Variants in FRMD5 observed in about 807,000 individuals in gnomAD.
FRMD5 encodes FERM domain-containing protein 5.
FRMD5 carries 20 observed loss-of-function variants against 69.0 expected under a neutral mutation model. The ratio of observed to expected loss-of-function variants is 0.29; its 90% confidence interval spans 0.20 to 0.42. FRMD5 has a LOEUF of 0.42. Ranked by LOEUF, FRMD5 falls within the 10% of genes least tolerant of loss-of-function variation. FRMD5 has a pLI of 1.00. For missense variants in FRMD5, 595 were observed against 708.6 expected, an observed-to-expected ratio of 0.84 and a Z score of 1.82; for synonymous variants, 271 against 260.1, an observed-to-expected ratio of 1.04 and a Z score of -0.40.
At chr15:44,090,733 C>T (rs996427115) in intron 1 of FRMD5, among the ~76,000 whole-genome samples, 6 of 152,166 alleles carry the variant, frequency 3.9e-5, no homozygotes, top group Non-Finnish European at 8.8e-5. Flanking sequence ...AGCCACTGTG[C>T]CTGGGCGAAT....
intron 1 of FRMD5, among the ~76,000 whole-genome samples, chr15:44,101,144 A>C (rs2733225): frequency 5.4e-5 from 8 of 149,398 alleles, no homozygotes; most frequent in African/African-American, 2.0e-4. Context: ...GTGATACTCC[A>C]TCTCAAAAAA....
intron 1 of FRMD5, among the ~76,000 whole-genome samples, chr15:43,950,001 TG>T (rs1374414298): frequency 1.3e-5 from 2 of 152,210 alleles, no homozygotes; most frequent in Non-Finnish European, 2.9e-5. Flanking sequence ...GAACTTGCAT[TG>T]GTCATCACAA....
upstream of FRMD5, among the ~76,000 whole-genome samples, chr15:44,196,356 C>T (rs2078296594): frequency 6.6e-6 from 1 of 151,796 alleles, no homozygotes; most frequent in East Asian, 1.9e-4. Context: ...CCCAGCTACT[C>T]GGGAGGCTGA....
chr15:43,889,249 G>C (rs772341210), intron 8 of FRMD5, among the ~76,000 whole-genome samples: 31 of 152,338 alleles, frequency 2.0e-4, no homozygotes, highest in Non-Finnish European at 4.6e-4. Flanking sequence ...AGATGCCACA[G>C]GTAGCTGATG....
chr15:43,931,261 T>A (rs1175327890), intron 1 of FRMD5, among the ~76,000 whole-genome samples: 2 of 152,202 alleles, frequency 1.3e-5, no homozygotes, highest in African/African-American at 2.4e-5. Flanking sequence ...GTGCTGAATA[T>A]CTCAGTGGAC....
intron 1 of FRMD5, among the ~76,000 whole-genome samples, chr15:44,190,749 T>C (rs1207844723): frequency 6.6e-6 from 1 of 152,216 alleles, no homozygotes. Context: ...TTTATTGTTT[T>C]CAGGAATAAG....
chr15:44,168,046 A>C (rs1179630817), intron 1 of FRMD5, among the ~76,000 whole-genome samples: 3 of 152,252 alleles, frequency 2.0e-5, no homozygotes, highest in Admixed American at 6.5e-5. Context: ...AAGTGAGTAG[A>C]AACTCCATTA....
At chr15:43,876,999 C>G (rs1225333198) in intron 13 of FRMD5, among the ~76,000 whole-genome samples, 1 of 152,198 alleles carries the variant, frequency 6.6e-6, no homozygotes, top group Non-Finnish European at 1.5e-5. Flanking sequence ...AAAACAGGAG[C>G]TGGTTACACT....
At chr15:43,911,180 G>A (rs544781580) in intron 4 of FRMD5, among the ~76,000 whole-genome samples, 85 of 152,314 alleles carry the variant, frequency 5.6e-4, no homozygotes, top group African/African-American at 1.9e-3. Context: ...AGCATCTCTG[G>A]TGATTTAAAA....
At chr15:43,939,622 A>G (rs1470407572) in intron 1 of FRMD5, among the ~76,000 whole-genome samples, 8 of 151,992 alleles carry the variant, frequency 5.3e-5, no homozygotes, top group Non-Finnish European at 8.8e-5. Flanking sequence ...TCGTGGCACA[A>G]TCATGGCTCC....
chr15:44,123,887 G>A (rs1265483524), intron 1 of FRMD5, among the ~76,000 whole-genome samples: 1 of 152,026 alleles, frequency 6.6e-6, no homozygotes, highest in Non-Finnish European at 1.5e-5. Context: ...GAGGCTGACT[G>A]GGCTATATTT....
chr15:44,067,902 T>C (rs1450802364), intron 1 of FRMD5, among the ~76,000 whole-genome samples: 1 of 152,048 alleles, frequency 6.6e-6, no homozygotes, highest in Non-Finnish European at 1.5e-5. Context: ...AACCAAATAA[T>C]GCAATTTAAA....
At chr15:44,033,944 TCTTA>T (rs1044627902) in intron 1 of FRMD5, among the ~76,000 whole-genome samples, 56 of 152,214 alleles carry the variant, frequency 3.7e-4, no homozygotes, top group African/African-American at 1.4e-3. Context: ...TAGGATTCGC[TCTTA>T]TTTATTTGAT....
At chr15:44,047,258 G>A (rs1892468296) in intron 1 of FRMD5, among the ~76,000 whole-genome samples, 1 of 152,112 alleles carries the variant, frequency 6.6e-6, no homozygotes, top group Non-Finnish European at 1.5e-5. Context: ...GCAGTGAGCT[G>A]AGATCGTGCC....
chr15:44,088,615 G>C (rs1894302734), intron 1 of FRMD5, among the ~76,000 whole-genome samples: 1 of 152,090 alleles, frequency 6.6e-6, no homozygotes, highest in South Asian at 2.1e-4. Context: ...TGGGTGTACA[G>C]AGAGGTACTC....
intron 1 of FRMD5, among the ~76,000 whole-genome samples, chr15:44,169,817 T>A (rs557705031): frequency 1.3e-5 from 2 of 152,306 alleles, no homozygotes; most frequent in African/African-American, 4.8e-5. Flanking sequence ...ATGGTAACTA[T>A]AACTATTTCC....
chr15:43,972,816 C>G (rs141495219), intron 1 of FRMD5, among the ~76,000 whole-genome samples: 21 of 152,310 alleles, frequency 1.4e-4, no homozygotes, highest in African/African-American at 2.9e-4. Flanking sequence ...TTCTAGTGTG[C>G]AACTTCTACC....
At chr15:44,125,974 G>A (rs548855972) in intron 1 of FRMD5, among the ~76,000 whole-genome samples, 35 of 152,186 alleles carry the variant, frequency 2.3e-4, no homozygotes, top group Non-Finnish European at 3.4e-4. Flanking sequence ...TAGTCTTATC[G>A]GTAAATTCTA....
chr15:44,013,061 C>T (rs1257997687), intron 1 of FRMD5, among the ~76,000 whole-genome samples: 3 of 152,206 alleles, frequency 2.0e-5, no homozygotes, highest in African/African-American at 7.2e-5. Context: ...CCATTGCGCC[C>T]CGCCTATTGT....
Sources: allele counts gnomAD v4.1 joint callset (sites outside exome capture counted in the v4.1 genomes callset), GRCh38; gene constraint gnomAD v4.1.1; transcripts MANE v1.5; gene names NCBI Gene and HGNC (gene_info 2026-07-23, HGNC 2026-07-21).